OSCP1: variants seen among roughly 807,000 people sequenced by gnomAD.
OSCP1 encodes the protein organic solute carrier partner 1, also known as protein OSCP1.
In OSCP1, 35 loss-of-function variants were observed where a neutral mutation model predicts 45.1. The observed-to-expected ratio is 0.78, with a 90% CI of 0.59 to 1.03. OSCP1 has a LOEUF of 1.03. Among genes scored for constraint, OSCP1 ranks in the 50% least tolerant of loss-of-function variants. The pLI is 0.00. For synonymous variants in OSCP1, 179 were observed against 180.1 expected, an observed-to-expected ratio of 0.99 and a Z score of 0.05; for missense variants, 400 against 470.7, an observed-to-expected ratio of 0.85 and a Z score of 1.39.
intron 1 of OSCP1, chr1:36,444,103 A>C: frequency 6.6e-7 from 1 of 1,515,406 alleles, no homozygotes; most frequent in Non-Finnish European, 9.2e-7. Flanking sequence ...GAGGCTTTAA[A>C]CATACCAATT....
At chr1:36,429,258 G>T (rs1434328941) in intron 4 of OSCP1, among the ~76,000 whole-genome samples, 2 of 152,038 alleles carry the variant, frequency 1.3e-5, no homozygotes, top group African/African-American at 4.8e-5. Context: ...GTGGTGGCAT[G>T]CTCCTGTAGT....
At chr1:36,424,125 T>A (rs941995722) in intron 4 of OSCP1, among the ~76,000 whole-genome samples, 15 of 152,000 alleles carry the variant, frequency 9.9e-5, no homozygotes, top group Non-Finnish European at 1.0e-4. Flanking sequence ...TTATATTTTT[T>A]TGTAGAGATG....
chr1:36,420,843 G>C (rs1470106520), intron 7 of OSCP1, among the ~76,000 whole-genome samples: 4 of 152,160 alleles, frequency 2.6e-5, no homozygotes, highest in Non-Finnish European at 5.9e-5. Flanking sequence ...CATACTTTCC[G>C]CAAGAGTGGA....
Position 36,450,244 on chromosome 1 carries a change from CG to C in OSCP1, c.112+13del. 1.2e-6 allele frequency: 2 copies of C among 1,607,426 alleles called. No homozygotes were observed. Among genetic ancestry groups the C allele is most frequent in the South Asian group, 1.1e-5 (1 of 90,820 alleles). ...TGGCTGCGGGTCTGGCTGAGCGGGCCGGGGGCCTCTCACCTTTGCGGGCCTT... is the reference window on the plus strand; with the variant it reads ...TGGCTGCGGGTCTGGCTGAGCGGGCCGGGGCCTCTCACCTTTGCGGGCCTT... On this transcript the variant is annotated intron_variant, in intron 1 of 9. Transcript: ENST00000235532.
At chr1:36,425,453 G>A (rs1036101644) in intron 4 of OSCP1, among the ~76,000 whole-genome samples, 1 of 152,106 alleles carries the variant, frequency 6.6e-6, no homozygotes, top group Admixed American at 6.5e-5. Flanking sequence ...AAGTAAAGCC[G>A]GCTGGGTACA....
chr1:36,418,407 C>G (rs1415405277), intron 9 of OSCP1, 152 bp from the exon 10 acceptor site: 3 of 655,588 alleles, frequency 4.6e-6, no homozygotes, highest in Non-Finnish European at 8.0e-6. Context: ...ACAGGCTGAT[C>G]AGAGAGAAGA....
At chr1:36,420,053 G>A (rs1647517959) in intron 8 of OSCP1, among the ~76,000 whole-genome samples, 1 of 148,428 alleles carries the variant, frequency 6.7e-6, no homozygotes, top group Non-Finnish European at 1.5e-5. Context: ...TTGGCTCACT[G>A]CAACCTCTGC....
chr1:36,442,480 A>G (rs1185665604), intron 1 of OSCP1, among the ~76,000 whole-genome samples: 1 of 152,250 alleles, frequency 6.6e-6, no homozygotes, highest in Admixed American at 6.5e-5. Context: ...GGACGGGTCA[A>G]AAATTGCTCA....
chr1:36,429,737 T>TTA (rs1648232310), intron 4 of OSCP1, among the ~76,000 whole-genome samples: 1 of 151,278 alleles, frequency 6.6e-6, no homozygotes, highest in Admixed American at 6.6e-5. Context: ...CAGAAATGTG[T>TTA]TTTTATTTTA....
At chr1:36,441,635 C>G (rs1649165322) in intron 1 of OSCP1, among the ~76,000 whole-genome samples, 1 of 150,810 alleles carries the variant, frequency 6.6e-6, no homozygotes, top group Non-Finnish European at 1.5e-5. Flanking sequence ...GCCTGCAGTC[C>G]CAGCTACCGG....
At chr1:36,423,302 C>T (rs559154926) in intron 5 of OSCP1, 61 bp downstream of exon 5, 213 of 1,301,000 alleles carry the variant, frequency 1.6e-4, no homozygotes, top group Middle Eastern at 9.2e-4. Context: ...ATTCCGTGTG[C>T]GGCCCATGTG....
chr1:36,432,825 G>A (rs1269076111), intron 2 of OSCP1, among the ~76,000 whole-genome samples: 2 of 152,186 alleles, frequency 1.3e-5, no homozygotes, highest in Non-Finnish European at 2.9e-5. Context: ...GGCAAACCAG[G>A]ATTTCTGGTC....
At chr1:36,442,906 G>A (rs1649287289) in intron 1 of OSCP1, among the ~76,000 whole-genome samples, 2 of 152,130 alleles carry the variant, frequency 1.3e-5, no homozygotes, top group Admixed American at 1.3e-4. Context: ...AGCTGGTGAT[G>A]GAGCTGAAAT....
At chr1:36,439,767 G>A (rs959990383) in intron 1 of OSCP1, among the ~76,000 whole-genome samples, 5 of 152,202 alleles carry the variant, frequency 3.3e-5, no homozygotes, top group Admixed American at 6.5e-5. Context: ...CTACAGTGTA[G>A]TGCTATATCT....
At chr1:36,441,835 A>G (rs1476945203) in intron 1 of OSCP1, among the ~76,000 whole-genome samples, 2 of 151,658 alleles carry the variant, frequency 1.3e-5, no homozygotes, top group Admixed American at 1.3e-4. Context: ...TTTTAATCAG[A>G]CCCGCCCATT....
chr1:36,418,464 G>T (rs1647407385), intron 9 of OSCP1: 1 of 595,736 alleles, frequency 1.7e-6, no homozygotes, highest in African/African-American at 1.8e-5. Context: ...ATGTGACCAA[G>T]CATCCCTGGC....
chr1:36,430,496 A>C (rs545447300), intron 4 of OSCP1, among the ~76,000 whole-genome samples: 14 of 151,802 alleles, frequency 9.2e-5, no homozygotes, highest in Non-Finnish European at 1.8e-4. Flanking sequence ...GTGCCAGGGC[A>C]TGGTGGCTCA....
chr1:36,419,107 A>ATGCTG, intron 8 of OSCP1, 53 bp from the exon 9 acceptor site: 1 of 1,499,874 alleles, frequency 6.7e-7, no homozygotes, highest in Non-Finnish European at 9.3e-7. Flanking sequence ...TTTCCCTGCC[A>ATGCTG]GCATGGCAAA....
At chr1:36,441,195 G>A (rs906039486) in intron 1 of OSCP1, among the ~76,000 whole-genome samples, 4 of 152,264 alleles carry the variant, frequency 2.6e-5, no homozygotes, top group African/African-American at 9.6e-5. Context: ...CCCCCAAAGA[G>A]GAAATGGCAG....
Sources: gnomAD v4.1 joint callset for allele counts (sites outside exome capture counted in the v4.1 genomes callset) on GRCh38, gnomAD v4.1.1 for gene constraint, MANE v1.5 for transcripts, NCBI Gene and HGNC (gene_info 2026-07-23, HGNC 2026-07-21) for gene names.